The following GPR160 variants were observed in gnomAD, a reference collection of about 807,000 sequenced individuals.
GPR160 encodes the protein G protein-coupled receptor 160, also known as probable G protein-coupled receptor 160.
Under a neutral mutation model 2.6 loss-of-function variants are expected in GPR160, and 2 were observed. The observed-to-expected ratio is 0.77, with a 90% confidence interval of 0.32 to 2.44. The LOEUF is 2.44. Among genes scored for constraint, GPR160 ranks in the 30% most tolerant of loss-of-function variants. GPR160 has a pLI of 0.11. For synonymous variants in GPR160, 130 were observed against 132.2 expected (o/e 0.98, Z 0.12); for missense variants, 351 against 383.6 (o/e 0.91, Z 0.71).
intron 2 of GPR160, among the ~76,000 whole-genome samples, chr3:170,064,535 T>TTTTTTTTTTTTTTTTC (rs1219393634): frequency 3.1e-5 from 4 of 127,950 alleles, no homozygotes; most frequent in Non-Finnish European, 4.9e-5. Flanking sequence ...TTTTTTTTTT[T>TTTTTTTTTTTTTTTTC]TGAGGCAGAG....
chr3:170,065,418 T>C (rs1712274033), intron 2 of GPR160, among the ~76,000 whole-genome samples: 1 of 152,258 alleles, frequency 6.6e-6, no homozygotes, highest in East Asian at 1.9e-4. Flanking sequence ...ACTCTGGATC[T>C]GATGCCTAGA....
At chr3:170,059,781 A>G (rs1429220125) in intron 2 of GPR160, among the ~76,000 whole-genome samples, 1 of 151,968 alleles carries the variant, frequency 6.6e-6, no homozygotes, top group African/African-American at 2.4e-5. Context: ...AGATTATCCC[A>G]TCACCTAGGC....
At chr3:170,058,362 G>T (rs1380261736) in intron 2 of GPR160, among the ~76,000 whole-genome samples, 1 of 152,102 alleles carries the variant, frequency 6.6e-6, no homozygotes, top group African/African-American at 2.4e-5. Context: ...GGCCAGAAAT[G>T]GTCTTCCTCA....
chr3:170,046,024 A>C (rs758632826), intron 2 of GPR160, among the ~76,000 whole-genome samples: 1 of 152,138 alleles, frequency 6.6e-6, no homozygotes, highest in African/African-American at 2.4e-5. Context: ...ATGGATTGTG[A>C]GTTAGCTATT....
chr3:170,069,232 T>C (rs977214559), intron 2 of GPR160, among the ~76,000 whole-genome samples: 2 of 152,232 alleles, frequency 1.3e-5, no homozygotes, highest in Non-Finnish European at 2.9e-5. Flanking sequence ...GGGACCTAAC[T>C]GCTTATTTCA....
chr3:170,042,645 T>C (rs1716501461), intron 2 of GPR160, among the ~76,000 whole-genome samples: 1 of 145,244 alleles, frequency 6.9e-6, no homozygotes, highest in Non-Finnish European at 1.5e-5. Flanking sequence ...CTGGGCAACA[T>C]AGTGAGGCCC....
At position 170,042,670 on chromosome 3, in the gene GPR160, A is replaced by T. The variant is rs562404638; in HGVS notation, c.-193+3627A>T. On this transcript the variant is annotated intron_variant, in intron 2 of 3. Coordinates refer to ENST00000355897, the MANE Select transcript of GPR160 (RefSeq NM_014373.3). ...TAGTGAGGCCCCCATCTCTACAAAA[A>T]AAAAAAATAAATAAATAATAATAAT... is the stretch of plus-strand genomic sequence containing the variant. Among the ~76,000 whole-genome samples the T allele has an allele frequency of 7.8e-3, 1,143 of 146,494 alleles. 19 individuals are homozygous for T. Among genetic ancestry groups the T allele is most frequent in the African/African-American group, 0.027 (1,060 of 38,934 alleles).
chr3:170,055,820 G>A (rs546637881), intron 2 of GPR160, among the ~76,000 whole-genome samples: 1 of 152,272 alleles, frequency 6.6e-6, no homozygotes, highest in South Asian at 2.1e-4. Flanking sequence ...ATTTTTAGTA[G>A]AGGCGGGGTT....
chr3:170,044,035 A>G (rs1434553760), intron 2 of GPR160, among the ~76,000 whole-genome samples: 1 of 151,746 alleles, frequency 6.6e-6, no homozygotes, highest in Non-Finnish European at 1.5e-5. Context: ...GAATAACAAA[A>G]TATAGGTTGA....
At chr3:170,074,095 G>A (rs552583478) in intron 2 of GPR160, among the ~76,000 whole-genome samples, 1 of 151,840 alleles carries the variant, frequency 6.6e-6, no homozygotes, top group South Asian at 2.1e-4. Flanking sequence ...CACCATATTG[G>A]CCAGGATGGG....
chr3:170,042,740 T>C (rs1576885041), intron 2 of GPR160, among the ~76,000 whole-genome samples: 1 of 145,342 alleles, frequency 6.9e-6, no homozygotes. Context: ...GTGGGGAGGG[T>C]GGCTTGAGCC....
At chr3:170,063,552 C>CAAAAAAAAAAAAAAAAAA (rs528295183) in intron 2 of GPR160, among the ~76,000 whole-genome samples, 2 of 78,926 alleles carry the variant, frequency 2.5e-5, no homozygotes, top group African/African-American at 1.2e-4. Flanking sequence ...ACAAAAAAAG[C>CAAAAAAAAAAAAAAAAAA]AAAAAAAAAA....
intron 2 of GPR160, among the ~76,000 whole-genome samples, chr3:170,061,325 A>C (rs1328299599): frequency 6.6e-6 from 1 of 151,880 alleles, no homozygotes; most frequent in African/African-American, 2.4e-5. Flanking sequence ...AAATTATCCA[A>C]AATTAAAAGA....
intron 2 of GPR160, among the ~76,000 whole-genome samples, chr3:170,065,921 TCTTTAA>T (rs1308199596): frequency 6.6e-6 from 1 of 151,846 alleles, no homozygotes; most frequent in Non-Finnish European, 1.5e-5. Flanking sequence ...GTAACCACTG[TCTTTAA>T]CTTTTTTTTT....
At chr3:170,077,861 A>G (rs1712942083) in intron 2 of GPR160, 1 of 163,846 alleles carries the variant, frequency 6.1e-6, no homozygotes, top group Non-Finnish European at 1.3e-5. Context: ...GGACAGACCC[A>G]GCAGCTGGTG....
intron 2 of GPR160, among the ~76,000 whole-genome samples, chr3:170,043,116 C>T (rs936360917): frequency 2.6e-4 from 39 of 152,068 alleles, no homozygotes; most frequent in African/African-American, 9.4e-4. Flanking sequence ...CTACTGACCT[C>T]GTGATCTGCC....
At chr3:170,043,128 G>A (rs757894964) in intron 2 of GPR160, among the ~76,000 whole-genome samples, 5 of 151,880 alleles carry the variant, frequency 3.3e-5, no homozygotes, top group Non-Finnish European at 5.9e-5. Flanking sequence ...TGATCTGCCC[G>A]CCTCAGCCTC....
chr3:170,078,657 A>C lies in GPR160; in HGVS notation c.-192-1117A>C, dbSNP rs541121056. 1.1e-4 allele frequency among the ~76,000 whole-genome samples: 16 copies of C among 152,296 alleles called. No homozygotes were observed. The South Asian group carries it at 3.1e-3, about 30-fold the overall frequency. ...GGACTGGTCAGTGCTAACTAAAACA[A>C]CTTTAGAGGCAAGTCAATACCTCCT... On this transcript the variant is annotated intron_variant, in intron 2 of 3. Transcript: ENST00000355897.
Position 170,069,688 on chromosome 3 carries a change from G to A in GPR160, c.-192-10086G>A, listed in dbSNP as rs369489130. Among the ~76,000 whole-genome samples, 55 of 152,060 alleles carry A rather than the reference G, an allele frequency of 3.6e-4. 1 individual carries two copies. The South Asian group carries it at 7.3e-3, about 20-fold the overall frequency. ...GCCCCATCTATACTTTCATCCACTC[G>A]ACCCCCAGCACACACACTGCATTAT... is the stretch of plus-strand genomic sequence containing the variant. On this transcript the variant is annotated intron_variant, in intron 2 of 3. Coordinates refer to ENST00000355897, the MANE Select transcript of GPR160 (RefSeq NM_014373.3).
Sources: gnomAD v4.1 joint callset for allele counts (sites outside exome capture counted in the v4.1 genomes callset) on GRCh38, gnomAD v4.1.1 for gene constraint, MANE v1.5 for transcripts, NCBI Gene and HGNC (gene_info 2026-07-23, HGNC 2026-07-21) for gene names.